TBC1D32: variants seen among roughly 807,000 people sequenced by gnomAD.
The protein encoded by TBC1D32 is protein broad-minded.
A neutral mutation model predicts 170.3 loss-of-function variants in TBC1D32; 151 were observed. The observed-to-expected ratio is 0.89, with a 90% CI of 0.78 to 1.01. The LOEUF (loss-of-function observed/expected upper bound fraction) is 1.01. TBC1D32 is among the 50% of genes least tolerant of loss of function. TBC1D32 has a pLI of 0.00. For synonymous variants in TBC1D32, 498 were observed against 488.0 expected (o/e 1.02, Z -0.27); for missense variants, 1,464 against 1,457.1 (o/e 1.00, Z -0.08).
intron 16 of TBC1D32, among the ~76,000 whole-genome samples, chr6:121,255,748 T>G (rs1373096419): frequency 6.6e-6 from 1 of 152,052 alleles, no homozygotes; most frequent in African/African-American, 2.4e-5. Context: ...ATCTCTAGTA[T>G]CCACAACAAA....
intron 21 of TBC1D32, among the ~76,000 whole-genome samples, chr6:121,213,045 T>C (rs1583239675): frequency 6.6e-6 from 1 of 152,248 alleles, no homozygotes; most frequent in South Asian, 2.1e-4. Flanking sequence ...TGAAGGAACA[T>C]ATCTCAAAAT....
At chr6:121,132,530 T>G (rs2128218518) in intron 24 of TBC1D32, among the ~76,000 whole-genome samples, 1 of 152,130 alleles carries the variant, frequency 6.6e-6, no homozygotes, top group African/African-American at 2.4e-5. Context: ...TATAGGTAAC[T>G]GCTTCTTTGA....
At chr6:121,100,666 A>T (rs189854071) in intron 30 of TBC1D32, among the ~76,000 whole-genome samples, 1 of 152,208 alleles carries the variant, frequency 6.6e-6, no homozygotes, top group East Asian at 1.9e-4. Flanking sequence ...CTAACATCAC[A>T]ATTAAAAGAA....
chr6:121,170,303 G>T (rs903815692), intron 22 of TBC1D32: 3 of 1,136,118 alleles, frequency 2.6e-6, no homozygotes, highest in Non-Finnish European at 3.6e-6. Flanking sequence ...ATTGAATTTA[G>T]AAAGCAGAAA....
chr6:121,180,547 T>C (rs1042725113), intron 22 of TBC1D32, among the ~76,000 whole-genome samples: 1 of 152,046 alleles, frequency 6.6e-6, no homozygotes, highest in African/African-American at 2.4e-5. Context: ...TATTCATATG[T>C]AGAAGAATGA....
At chr6:121,291,011 AG>A (rs1239159377) in intron 12 of TBC1D32, among the ~76,000 whole-genome samples, 1 of 151,978 alleles carries the variant, frequency 6.6e-6, no homozygotes. Flanking sequence ...GGGTTGGGGG[AG>A]GGTGGATGGA....
At chr6:121,286,208 C>T (rs1324499582) in intron 12 of TBC1D32, among the ~76,000 whole-genome samples, 2 of 151,984 alleles carry the variant, frequency 1.3e-5, no homozygotes, top group Admixed American at 6.6e-5. Context: ...GGAGGAAGTT[C>T]GAACCCATGG....
At chr6:121,140,788 A>G (rs6901295) in intron 24 of TBC1D32, among the ~76,000 whole-genome samples, 2,671 of 152,258 alleles carry the variant, frequency 0.018, 81 homozygotes, top group African/African-American at 0.061. Flanking sequence ...TGATGAAATA[A>G]CTATAATAAA....
At chr6:121,143,882 A>AC (rs1017883063) in intron 24 of TBC1D32, among the ~76,000 whole-genome samples, 1 of 152,090 alleles carries the variant, frequency 6.6e-6, no homozygotes, top group Non-Finnish European at 1.5e-5. Context: ...ATGAAGCTGG[A>AC]CATGCTTCTG....
rs116733522 is a variant in TBC1D32 at position 121,158,561 on chromosome 6, G to A, written c.2773+1449C>T. On this transcript the variant is annotated intron_variant, in intron 24 of 31. Coordinates refer to ENST00000398212, the MANE Select transcript of TBC1D32 (RefSeq NM_152730.6). Reference sequence around the variant, plus strand: ...TGCTGGGAAACTAGTGCATTTGGTTGGAGGTAAGAGGACACTCCAGCTTTT... The same window carrying A: ...TGCTGGGAAACTAGTGCATTTGGTTAGAGGTAAGAGGACACTCCAGCTTTT... 3.0e-3 allele frequency among the ~76,000 whole-genome samples: 450 copies of A among 152,202 alleles called. 4 individuals are homozygous for A. The highest frequency in any genetic ancestry group is 0.011 in the African/African-American group (443 of 41,554).
intron 25 of TBC1D32, among the ~76,000 whole-genome samples, chr6:121,128,516 T>C (rs997897907): frequency 1.3e-5 from 2 of 152,160 alleles, no homozygotes; most frequent in African/African-American, 4.8e-5. Context: ...AATTCTAGGA[T>C]GTTACTGTCC....
At chr6:121,301,624 C>T (rs1028093610) in intron 9 of TBC1D32, among the ~76,000 whole-genome samples, 2 of 151,972 alleles carry the variant, frequency 1.3e-5, no homozygotes, top group Non-Finnish European at 2.9e-5. Flanking sequence ...CACCATGGCA[C>T]GTGTATACCT....
chr6:121,331,387 T>G (rs976710353), intron 1 of TBC1D32, among the ~76,000 whole-genome samples: 1 of 151,860 alleles, frequency 6.6e-6, no homozygotes, highest in East Asian at 1.9e-4. Context: ...TTTTTTTTTT[T>G]TTTTGTATTT....
intron 22 of TBC1D32, among the ~76,000 whole-genome samples, chr6:121,195,051 C>T (rs933789831): frequency 6.6e-6 from 1 of 152,186 alleles, no homozygotes; most frequent in Non-Finnish European, 1.5e-5. Flanking sequence ...CTCCTACAAA[C>T]AAGAAAGAGG....
intron 1 of TBC1D32, among the ~76,000 whole-genome samples, chr6:121,333,037 C>G (rs1360096890): frequency 6.6e-6 from 1 of 152,094 alleles, no homozygotes; most frequent in African/African-American, 2.4e-5. Flanking sequence ...CAAGTAAACA[C>G]AAACTTGTAC....
At chr6:121,320,751 C>G (rs115489015) in intron 2 of TBC1D32, among the ~76,000 whole-genome samples, 1 of 151,966 alleles carries the variant, frequency 6.6e-6, no homozygotes, top group Non-Finnish European at 1.5e-5. Flanking sequence ...GAGCTCCTGT[C>G]CAAAATAATT....
At chr6:121,310,751 G>C in intron 4 of TBC1D32, 28 bp downstream of exon 4, 3 of 1,381,970 alleles carry the variant, frequency 2.2e-6, no homozygotes. Flanking sequence ...TTATCTGCAT[G>C]AACTTGACAG....
intron 31 of TBC1D32, among the ~76,000 whole-genome samples, chr6:121,086,006 G>C (rs1473534093): frequency 6.6e-6 from 1 of 150,974 alleles, no homozygotes; most frequent in Admixed American, 6.6e-5. Flanking sequence ...GAGAAAAATG[G>C]GAGCAAAAGT....
At chr6:121,312,841 C>T (rs953206873) in intron 3 of TBC1D32, among the ~76,000 whole-genome samples, 1 of 152,122 alleles carries the variant, frequency 6.6e-6, no homozygotes, top group Non-Finnish European at 1.5e-5. Flanking sequence ...TTTACATAGA[C>T]AATATAAGAA....
Sources: gnomAD v4.1 joint callset for allele counts (sites outside exome capture counted in the v4.1 genomes callset) on GRCh38, gnomAD v4.1.1 for gene constraint, MANE v1.5 for transcripts, NCBI Gene and HGNC (gene_info 2026-07-23, HGNC 2026-07-21) for gene names.